AKR1B10: variants seen among roughly 807,000 people sequenced by gnomAD.
AKR1B10 encodes ARP.
AKR1B10 carries 39 observed loss-of-function variants against 38.9 expected under a neutral mutation model. That is an observed-to-expected ratio of 1.00 (90% CI 0.78 to 1.31). AKR1B10 has a LOEUF of 1.31. Ranked by LOEUF, AKR1B10 falls within the 50% of genes most tolerant of loss-of-function variation. The probability of loss-of-function intolerance (pLI) is 0.00; values close to 1 mark genes in which losing one functional copy is unlikely to be tolerated. For synonymous variants in AKR1B10, 148 were observed against 141.2 expected, an observed-to-expected ratio of 1.05 and a Z score of -0.34; for missense variants, 361 against 382.6, an observed-to-expected ratio of 0.94 and a Z score of 0.47.
intron 5 of AKR1B10, 27 bp from the exon 6 acceptor site, chr7:134,537,024 C>T (rs774225726): frequency 2.7e-5 from 43 of 1,566,136 alleles, no homozygotes; most frequent in Non-Finnish European, 3.5e-5. Flanking sequence ...CGGCTTTCCC[C>T]GTGATGAGGA....
chr7:134,534,969 G>C (rs1807956881), intron 4 of AKR1B10, among the ~76,000 whole-genome samples: 1 of 152,046 alleles, frequency 6.6e-6, no homozygotes, highest in Admixed American at 6.5e-5. Context: ...ACTCTGGGGG[G>C]TGAAATCCAG....
intron 9 of AKR1B10, 38 bp from the exon 10 acceptor site, chr7:134,541,009 T>A: frequency 6.9e-7 from 1 of 1,440,346 alleles, no homozygotes; most frequent in African/African-American, 1.4e-5. Flanking sequence ...TTGATGGAAC[T>A]CAGTTTCTCT....
At chr7:134,537,725 C>T (rs1462018902) in intron 7 of AKR1B10, 64 bp downstream of exon 7, 2 of 1,580,570 alleles carry the variant, frequency 1.3e-6, no homozygotes, top group South Asian at 2.2e-5. Flanking sequence ...GTTTCATATC[C>T]TGTGTTGTCC....
At chr7:134,540,735 A>G (rs1045549089) in intron 9 of AKR1B10, among the ~76,000 whole-genome samples, 2 of 152,046 alleles carry the variant, frequency 1.3e-5, no homozygotes, top group Non-Finnish European at 2.9e-5. Flanking sequence ...GTTGTTTCCT[A>G]CTTCATGATG....
In AKR1B10 at chr7:134,530,739, G is replaced by A; in HGVS notation, c.163G>A (p.Val55Met). Residue 55 changes from valine (V) to methionine (M), a missense_variant, in exon 2 of 10, where the codon GTG becomes ATG. Transcript: ENST00000359579. ...CTATGTCTATCAGAATGAACATGAA[G>A]TGGGGGAAGCCATCCAAGAGAAGAT... Reference protein sequence around the residue: ...CAYVYQNEHEVGEAIQEKIQE... With the variant: ...CAYVYQNEHEMGEAIQEKIQE... 6.2e-7 allele frequency: 1 copy of A among 1,614,090 alleles called. No homozygotes were observed. The highest frequency in any genetic ancestry group is 8.5e-7 in the Non-Finnish European group (1 of 1,179,962).
At chr7:134,531,760 C>T in intron 2 of AKR1B10, 148 bp from the exon 3 acceptor site, 1 of 878,494 alleles carries the variant, frequency 1.1e-6, no homozygotes, top group South Asian at 1.6e-5. Flanking sequence ...TGGTGATGTT[C>T]CACACTGTGT....
At chr7:134,536,623 C>T (rs56024187) in intron 4 of AKR1B10, 27 bp from the exon 5 acceptor site, 70,471 of 1,612,110 alleles carry the variant, frequency 0.044, 2,396 homozygotes, top group African/African-American at 0.14. Flanking sequence ...TCTAGAGCTG[C>T]CCATAAGGTA....
intron 1 of AKR1B10, among the ~76,000 whole-genome samples, chr7:134,528,988 A>G (rs1012945977): frequency 1.3e-5 from 2 of 152,116 alleles, no homozygotes; most frequent in African/African-American, 4.8e-5. Context: ...CAGGTTCCCG[A>G]GCCTCTGTTA....
chr7:134,528,753 A>G (rs1261049917), intron 1 of AKR1B10, among the ~76,000 whole-genome samples: 3 of 151,778 alleles, frequency 2.0e-5, no homozygotes, highest in African/African-American at 4.8e-5. Context: ...GAGAGAGAGA[A>G]AGAAAGAGAG....
intron 9 of AKR1B10, 160 bp downstream of exon 9, chr7:134,539,177 T>C (rs1808087236): frequency 1.3e-6 from 1 of 741,746 alleles, no homozygotes; most frequent in Non-Finnish European, 2.2e-6. Context: ...GGAATCACTG[T>C]GAGGGACACA....
chr7:134,536,529 G>C (rs572853175), intron 4 of AKR1B10, 121 bp from the exon 5 acceptor site: 15 of 1,443,986 alleles, frequency 1.0e-5, no homozygotes, highest in Admixed American at 2.6e-5. Context: ...TCCTGTGAAT[G>C]CTTCGGCTAA....
intron 3 of AKR1B10, among the ~76,000 whole-genome samples, chr7:134,532,226 TGGCCA>T (rs1279298806): frequency 4.6e-5 from 7 of 152,066 alleles, no homozygotes; most frequent in Non-Finnish European, 7.4e-5. Flanking sequence ...GCTGCTGAGG[TGGCCA>T]CATGCCTGGG....
chr7:134,532,009 G>A lies in AKR1B10; in HGVS notation c.336G>A (p.Trp112Ter), dbSNP rs1161467816. The A allele has an allele frequency of 6.2e-7, 1 of 1,614,106 alleles. No individual in the cohort carries two copies. Among genetic ancestry groups the A allele is most frequent in the Non-Finnish European group, 8.5e-7 (1 of 1,179,968 alleles). ...ATCTGGACGTCTATCTTATTCACTG[G>A]CCACAGGGATTCAAGGTTTAAGACA... ...LSYLDVYLIHWPQGFKSGDDL... is the reference protein window; with the variant it reads ...LSYLDVYLIH Residue 112 changes from tryptophan to a stop codon, truncating the protein, a stop_gained, in exon 3 of 10, where the codon TGG becomes TGA. Coordinates refer to ENST00000359579, the MANE Select transcript of AKR1B10 (RefSeq NM_020299.5). LOFTEE classifies it high-confidence loss of function.
At chr7:134,528,834 A>C (rs1382127987) in intron 1 of AKR1B10, among the ~76,000 whole-genome samples, 1 of 152,202 alleles carries the variant, frequency 6.6e-6, no homozygotes, top group Non-Finnish European at 1.5e-5. Flanking sequence ...CACTTTAACA[A>C]GATCCCTACG....
chr7:134,540,955 A>G (rs1808134783), intron 9 of AKR1B10, 92 bp from the exon 10 acceptor site: 1 of 913,264 alleles, frequency 1.1e-6, no homozygotes, highest in Non-Finnish European at 1.7e-6. Flanking sequence ...CAAATATGAT[A>G]GAGTCCACCA....
At chr7:134,540,260 T>C (rs1310429730) in intron 9 of AKR1B10, among the ~76,000 whole-genome samples, 2 of 152,144 alleles carry the variant, frequency 1.3e-5, no homozygotes, top group Non-Finnish European at 2.9e-5. Flanking sequence ...GCTGCTTGCA[T>C]GTCATGATAT....
chr7:134,538,829 G>A (rs1346194012), intron 8 of AKR1B10, 106 bp from the exon 9 acceptor site: 4 of 1,329,486 alleles, frequency 3.0e-6, no homozygotes, highest in Middle Eastern at 1.8e-4. Flanking sequence ...CCTGTGGCCA[G>A]TTTGTGCTGT....
chr7:134,538,340 C>T, intron 8 of AKR1B10, 63 bp downstream of exon 8: 1 of 1,467,244 alleles, frequency 6.8e-7, no homozygotes, highest in Non-Finnish European at 9.5e-7. Flanking sequence ...CAGACCTTCT[C>T]ACTAGGCTTC....
At chr7:134,531,481 G>A (rs1807854047) in intron 2 of AKR1B10, among the ~76,000 whole-genome samples, 1 of 152,090 alleles carries the variant, frequency 6.6e-6, no homozygotes, top group Admixed American at 6.5e-5. Flanking sequence ...ATCACTTGGG[G>A]CCTTATAGGC....
Sources: gnomAD v4.1 joint callset for allele counts (sites outside exome capture counted in the v4.1 genomes callset) on GRCh38, gnomAD v4.1.1 for gene constraint, MANE v1.5 for transcripts, NCBI Gene and HGNC (gene_info 2026-07-23, HGNC 2026-07-21) for gene names.